The following PCNX3 variants were observed in gnomAD, a reference collection of about 807,000 sequenced individuals.
PCNX3 encodes the protein pecanex 3, also known as pecanex-like protein 3.
In PCNX3, 58 loss-of-function variants were observed where a neutral mutation model predicts 207.2. That is an observed-to-expected ratio of 0.28 (90% CI 0.23 to 0.35). The LOEUF (loss-of-function observed/expected upper bound fraction) is 0.35. PCNX3 is among the 10% of genes least tolerant of loss of function. The pLI is 1.00. For missense variants in PCNX3, 2,410 were observed against 2,774.4 expected (o/e 0.87, Z 2.95); for synonymous variants, 1,337 against 1,183.5 (o/e 1.13, Z -2.66).
intron 23 of PCNX3, 44 bp from the exon 24 acceptor site, chr11:65,628,775 G>GGGGGGGGGGGGGC: frequency 8.7e-6 from 13 of 1,500,358 alleles, no homozygotes; most frequent in East Asian, 2.4e-5. Context: ...GTGGTGGGGG[G>GGGGGGGGGGGGGC]CTGGGAGGTC....
In PCNX3 at chr11:65,635,749, G is replaced by T; in HGVS notation, c.5405G>T (p.Gly1802Val). 6.2e-7 allele frequency: 1 copy of T among 1,603,528 alleles called. No homozygotes were observed. Among genetic ancestry groups the T allele is most frequent in the Non-Finnish European group, 8.5e-7 (1 of 1,175,710 alleles). ...CACCCCCAGCTACGGGCACTGTGGG[G>T]TGGCCCCATCAGCCTGGGTGCCATT... ...GSHPQLRALW[G>V]GPISLGAIAH... Residue 1802 changes from glycine to valine, a missense_variant, in exon 32 of 35, where the codon GGT becomes GTT. Physicochemically the swap from Gly to Val is moderately radical, Grantham distance 109. Around this residue, in one of 8 missense-constraint regions of PCNX3, gnomAD observed 59 missense variants for 83.9 expected, o/e 0.70. Transcript: ENST00000355703. This position sits in a 1 kb window ranked among gnomAD's most constrained non-coding sequence, Gnocchi z 9.9.
intron 1 of PCNX3, among the ~76,000 whole-genome samples, 164 bp from the exon 2 acceptor site, chr11:65,616,660 T>C (rs763528077): frequency 1.1e-4 from 17 of 152,228 alleles, no homozygotes; most frequent in African/African-American, 2.9e-4. Flanking sequence ...CTCATCCAGC[T>C]AAGCAGAATA....
chr11:65,633,041 G>A (rs1855677985), intron 27 of PCNX3, among the ~76,000 whole-genome samples: 1 of 152,158 alleles, frequency 6.6e-6, no homozygotes, highest in Non-Finnish European at 1.5e-5. Flanking sequence ...CACCCTGTCT[G>A]GCTGAAGCTT....
At chr11:65,620,175 C>T (rs181275483) in intron 8 of PCNX3, among the ~76,000 whole-genome samples, 164 bp from the exon 9 acceptor site, 4 of 152,348 alleles carry the variant, frequency 2.6e-5, no homozygotes, top group African/African-American at 9.6e-5. Context: ...CTGCCGCGCC[C>T]AGGCTCTTGA....
At chr11:65,628,775 G>GCTGGGGGGGGGGGGGGGGGGC in intron 23 of PCNX3, 44 bp from the exon 24 acceptor site, 1 of 1,500,430 alleles carries the variant, frequency 6.7e-7, no homozygotes, top group Non-Finnish European at 9.1e-7. Context: ...GTGGTGGGGG[G>GCTGGGGGGGGGGGGGGGGGGC]CTGGGAGGTC....
chr11:65,625,961 T>C lies in PCNX3; in HGVS notation c.3286T>C (p.Tyr1096His). 1 of 1,613,820 alleles carries C rather than the reference T, an allele frequency of 6.2e-7. No homozygotes were observed. Among genetic ancestry groups the C allele is most frequent in the Non-Finnish European group, 8.5e-7 (1 of 1,179,880 alleles). ...LAGAVGFFTH[Y>H]LLPQLRKQLP... ...TGGGGCCGTGGGCTTCTTCACACAT[T>C]ACCTGCTGCCACAACTCCGCAAACA... Residue 1096 changes from tyrosine to histidine, a missense_variant, in exon 20 of 35, where the codon TAC becomes CAC. By Grantham distance (83) the Tyr-to-His change is moderately conservative. This residue lies in a region of PCNX3 where 333 missense variants were observed against 386.8 expected (regional missense o/e 0.86). Transcript: ENST00000355703. The surrounding 1 kb of genome is among the most constrained non-coding windows in gnomAD (Gnocchi z 5.6).
rs377458419 is a variant in PCNX3, at chr11:65,637,377, C to CTTTT, written c.*414_*417dup. The stretch of plus-strand genomic sequence containing the variant: ...TTCTTTCTTTCCTTTTTTTTCTTTT[C>CTTTT]TTTTTTTTTTTTTTTTTTGTGCTTC... On this transcript the variant is annotated 3_prime_UTR_variant, in exon 35 of 35. Transcript: ENST00000355703. 200 of 132,940 alleles carry CTTTT rather than the reference C, an allele frequency of 1.5e-3. No homozygotes were observed. Among genetic ancestry groups the CTTTT allele is most frequent in the African/African-American group, 5.6e-3 (190 of 34,040 alleles). The allele number at this position is 132,940 out of a possible 1,614,324, so 8.2% of individuals were successfully genotyped here.
At chr11:65,616,525 T>A in intron 1 of PCNX3, 61 bp downstream of exon 1, 1 of 1,530,740 alleles carries the variant, frequency 6.5e-7, no homozygotes, top group Non-Finnish European at 8.8e-7. Flanking sequence ...TGGCAGGGAT[T>A]CAGGGCAGTG....
chr11:65,622,151 C>T lies in PCNX3; in HGVS notation c.2236-94C>T. 4.0e-6 allele frequency: 6 copies of T among 1,498,100 alleles called. No individual in the cohort carries two copies. In the South Asian group the frequency reaches 7.9e-5, roughly 20 times the overall value. The allele number at this position is 1,498,100 out of a possible 1,614,324, so 92.8% of individuals were successfully genotyped here. A position where few individuals can be genotyped will look rare whatever the true frequency, so the allele number is the denominator to read the frequency against. On this transcript the variant is annotated intron_variant, in intron 10 of 34. Coordinates refer to ENST00000355703, the MANE Select transcript of PCNX3 (RefSeq NM_032223.4). Reference sequence around the variant, plus strand: ...AGACCGGTGTGCTGAAGGGGGGTAACAGTAGACCATGTGGGGGGTGGCGGG... The same window carrying T: ...AGACCGGTGTGCTGAAGGGGGGTAATAGTAGACCATGTGGGGGGTGGCGGG...
chr11:65,619,475 C>G (rs376470202), intron 6 of PCNX3, 62 bp from the exon 7 acceptor site: 3 of 1,582,502 alleles, frequency 1.9e-6, no homozygotes, highest in Non-Finnish European at 2.6e-6. Flanking sequence ...CGTCCCCAAC[C>G]TTACTCCCCC....
At position 65,625,552 on chromosome 11, in the gene PCNX3, A is replaced by C; in HGVS notation, c.3135+42A>C. The C allele has an allele frequency of 6.4e-7, 1 of 1,570,776 alleles. No homozygotes were observed. Among genetic ancestry groups the C allele is most frequent in the Middle Eastern group, 2.0e-4 (1 of 5,006 alleles). ...TGGGGGTCTGTGGGGAGGTGGTGAC[A>C]GGTCCTGGGGTTCCTGGGAGGGGCA... is the stretch of plus-strand genomic sequence containing the variant. On this transcript the variant is annotated intron_variant, in intron 18 of 34. Transcript: ENST00000355703. The surrounding 1 kb of genome is among the most constrained non-coding windows in gnomAD (Gnocchi z 5.6).
intron 7 of PCNX3, 46 bp downstream of exon 7, chr11:65,619,706 G>T: frequency 1.3e-6 from 2 of 1,565,822 alleles, no homozygotes; most frequent in African/African-American, 1.3e-5. Flanking sequence ...GGGCCGGGGA[G>T]GGCCCGCAAG....
Position 65,623,572 on chromosome 11 carries a change from G to A in PCNX3, c.2439G>A (p.Lys813=). The A allele has an allele frequency of 6.2e-7, 1 of 1,613,978 alleles. No homozygotes were observed. The highest frequency in any genetic ancestry group is 8.5e-7 in the Non-Finnish European group (1 of 1,179,864). ...TCCTGGGCTACCTGCTGCTGCTCAA[G>A]GGCTTCTTCACTGACATCTGGGTCT... ...VAFLGYLLLL[K]GFFTDIWVFQ... The change falls in exon 12 of 35, where the codon AAG becomes AAA. Residue 813 remains lysine (K), a synonymous_variant. Coordinates refer to ENST00000355703, the MANE Select transcript of PCNX3 (RefSeq NM_032223.4).
intron 11 of PCNX3, 106 bp downstream of exon 11, chr11:65,622,472 CGGG>C: frequency 7.4e-7 from 1 of 1,357,298 alleles, no homozygotes; most frequent in East Asian, 2.6e-5. Context: ...GAGCCTGACT[CGGG>C]GGAAGCTGAG....
rs776466840 is a variant in PCNX3, at chr11:65,617,493, C to T, written c.465C>T (p.Asp155=). ...QVSELLPRME[D]SGPLRDIKEL... is the part of the protein sequence containing the mutation. The stretch of plus-strand genomic sequence containing the variant: ...AGGAGCTGCTGCCCCGAATGGAGGA[C>T]TCTGGGCCCCTTAGAGGTAGGTGGC... The change falls in exon 4 of 35, where the codon GAC becomes GAT. Residue 155 remains aspartate, a synonymous_variant. Transcript: ENST00000355703. The T allele has an allele frequency of 9.8e-5, 158 of 1,613,842 alleles. 2 individuals are homozygous for T. In the Admixed American group the frequency reaches 2.6e-3, roughly 27 times the overall value.
rs1269554344 is a variant in PCNX3, at chr11:65,625,665, A to G, written c.3149A>G (p.His1050Arg). 1.2e-5 allele frequency: 20 copies of G among 1,612,706 alleles called. No individual in the cohort carries two copies. Among genetic ancestry groups the G allele is most frequent in the Middle Eastern group, 3.3e-4 (2 of 6,060 alleles). ...KMRQSVREVL[H>R]SDLVMCVVIA... Reference sequence around the variant, plus strand: ...CTGGCCCTGCAGCGTGAGGTCTTGCACTCCGACCTGGTGATGTGTGTGGTG... The same window carrying G: ...CTGGCCCTGCAGCGTGAGGTCTTGCGCTCCGACCTGGTGATGTGTGTGGTG... Residue 1050 changes from histidine to arginine, a missense_variant, in exon 19 of 35, where the codon CAC becomes CGC. Coordinates refer to ENST00000355703, the MANE Select transcript of PCNX3 (RefSeq NM_032223.4). This position sits in a 1 kb window ranked among gnomAD's most constrained non-coding sequence, Gnocchi z 5.6.
In PCNX3 at chr11:65,617,696, G is replaced by A. The variant is rs1365968643; in HGVS notation, c.567G>A (p.Gln189=). The change falls in exon 5 of 35, where the codon CAG becomes CAA. Residue 189 remains glutamine, a synonymous_variant. Coordinates refer to ENST00000355703, the MANE Select transcript of PCNX3 (RefSeq NM_032223.4). ...GAGAGATGCTGAAGCTCAGCTCGCA[G>A]GAGAAACTGAGTGCGTGGGCCTTAT... is the stretch of plus-strand genomic sequence containing the variant. The part of the protein sequence containing the change: ...ADREMLKLSS[Q]EKLIGDLPQT... The A allele has an allele frequency of 6.4e-7, 1 of 1,566,802 alleles. No homozygotes were observed. The highest frequency in any genetic ancestry group is 8.7e-7 in the Non-Finnish European group (1 of 1,155,866).
chr11:65,627,193 A>T, intron 21 of PCNX3, 145 bp downstream of exon 21: 1 of 1,283,008 alleles, frequency 7.8e-7, no homozygotes, highest in Non-Finnish European at 1.0e-6. Context: ...ACGCCATCCC[A>T]GGAAGTGGTT....
chr11:65,629,223 T>G, intron 24 of PCNX3, 134 bp from the exon 25 acceptor site: 1 of 1,018,962 alleles, frequency 9.8e-7, no homozygotes, highest in South Asian at 1.4e-5. Context: ...TACCTGAGCC[T>G]CAGTCTCCTC....
Sources: allele counts gnomAD v4.1 joint callset (sites outside exome capture counted in the v4.1 genomes callset), GRCh38; gene constraint gnomAD v4.1.1; regional missense constraint gnomAD v4.1.1; non-coding constraint Gnocchi (gnomAD v3.1); transcripts MANE v1.5; gene names NCBI Gene and HGNC (gene_info 2026-07-23, HGNC 2026-07-21).